CGRRF1: variants seen among roughly 807,000 people sequenced by gnomAD.
CGRRF1 encodes cell growth regulator with ring finger domain 1, also known as cell growth regulator with RING finger domain protein 1.
CGRRF1 carries 32 observed loss-of-function variants against 37.2 expected under a neutral mutation model. That is an observed-to-expected ratio of 0.86 (90% CI 0.65 to 1.16). The LOEUF is 1.16. Among genes scored for constraint, CGRRF1 ranks in the 50% most tolerant of loss-of-function variants. The probability of loss-of-function intolerance (pLI) is 0.00; values close to 1 mark genes in which losing one functional copy is unlikely to be tolerated. For missense variants in CGRRF1, 391 were observed against 382.6 expected (o/e 1.02, Z -0.18); for synonymous variants, 141 against 140.3 (o/e 1.00, Z -0.04).
At chr14:54,510,296 G>A in intron 1 of CGRRF1, 4 of 557,670 alleles carry the variant, frequency 7.2e-6, no homozygotes, top group Non-Finnish European at 1.3e-5. Context: ...TCTTGGGGTG[G>A]TACCGCATTG....
chr14:54,538,002 C>G, intron 5 of CGRRF1, 61 bp from the exon 6 acceptor site: 1 of 1,454,692 alleles, frequency 6.9e-7, no homozygotes, highest in Non-Finnish European at 9.1e-7. Context: ...CTTATGACCC[C>G]CAATTTTAAA....
intron 4 of CGRRF1, 189 bp downstream of exon 4, chr14:54,531,239 T>C: frequency 1.9e-6 from 1 of 531,718 alleles, no homozygotes; most frequent in Non-Finnish European, 3.3e-6. Context: ...TCTTGCCTTA[T>C]GGGTCACAGT....
Position 54,539,084 on chromosome 14 carries a change from G to A in CGRRF1, c.*701G>A, listed in dbSNP as rs1056447271. The A allele has an allele frequency of 6.6e-6, 1 of 152,178 alleles. No homozygotes were observed. The highest frequency in any genetic ancestry group is 1.5e-5 in the Non-Finnish European group (1 of 68,028). The allele number at this position is 152,178 out of a possible 1,614,324, so 9.4% of individuals were successfully genotyped here. On this transcript the variant is annotated 3_prime_UTR_variant, in exon 6 of 6. Transcript: ENST00000216420. The stretch of plus-strand genomic sequence containing the variant: ...ATTTATTAAATTGATAGTCAAGTGT[G>A]ATTAGATTAGCAGAATGTGATCTCC...
At chr14:54,515,399 A>T (rs1486572797) in intron 1 of CGRRF1, among the ~76,000 whole-genome samples, 1 of 151,812 alleles carries the variant, frequency 6.6e-6, no homozygotes, top group South Asian at 2.1e-4. Flanking sequence ...GCCGGGTGAG[A>T]TGTTTTATAA....
At chr14:54,517,894 A>G (rs1251097517) in intron 1 of CGRRF1, among the ~76,000 whole-genome samples, 1 of 152,146 alleles carries the variant, frequency 6.6e-6, no homozygotes, top group Non-Finnish European at 1.5e-5. Flanking sequence ...CTGTTCTTGC[A>G]TTAGTTTGCT....
At chr14:54,510,599 C>T (rs1269480223) in intron 1 of CGRRF1, among the ~76,000 whole-genome samples, 1 of 152,136 alleles carries the variant, frequency 6.6e-6, no homozygotes, top group Admixed American at 6.5e-5. Context: ...ACATTCCACA[C>T]CTTTTGAAGT....
intron 1 of CGRRF1, among the ~76,000 whole-genome samples, chr14:54,513,347 C>T (rs1357509650): frequency 6.6e-6 from 1 of 152,198 alleles, no homozygotes; most frequent in Non-Finnish European, 1.5e-5. Context: ...AAGCGCTTGA[C>T]TGTTAATGGC....
At chr14:54,522,694 C>A in intron 2 of CGRRF1, 101 bp downstream of exon 2, 2 of 1,138,418 alleles carry the variant, frequency 1.8e-6, no homozygotes, top group Non-Finnish European at 2.5e-6. Context: ...AGACTTTTAA[C>A]AAACATTTGT....
chr14:54,535,406 T>G (rs576618693), intron 4 of CGRRF1, among the ~76,000 whole-genome samples: 7 of 139,224 alleles, frequency 5.0e-5, no homozygotes, highest in Non-Finnish European at 1.1e-4. Flanking sequence ...TTTTGTAAAT[T>G]AAAACATTCT....
At chr14:54,515,013 A>G (rs1353141346) in intron 1 of CGRRF1, among the ~76,000 whole-genome samples, 1 of 151,980 alleles carries the variant, frequency 6.6e-6, no homozygotes, top group Non-Finnish European at 1.5e-5. Flanking sequence ...TTATAATCCA[A>G]ATATATTCTC....
chr14:54,532,471 G>C (rs1369379385), intron 4 of CGRRF1, among the ~76,000 whole-genome samples: 1 of 152,038 alleles, frequency 6.6e-6, no homozygotes, highest in Non-Finnish European at 1.5e-5. Context: ...GGGATTTTTG[G>C]TGCTCTTGCC....
rs140952414 is a variant in CGRRF1 at position 54,511,196 on chromosome 14, T to C, written c.104+1133T>C. Among the ~76,000 whole-genome samples the C allele has an allele frequency of 4.0e-3, 603 of 152,306 alleles. 3 individuals are homozygous for C. The highest frequency in any genetic ancestry group is 6.4e-3 in the Non-Finnish European group (435 of 68,020). On this transcript the variant is annotated intron_variant, in intron 1 of 5. Coordinates refer to ENST00000216420, the MANE Select transcript of CGRRF1 (RefSeq NM_006568.3). ...GGGCCCTTGTCGGTTTCTGAAAATA[T>C]ATGCCATCTTTAGGAAGTGACAAAA... is the stretch of plus-strand genomic sequence containing the variant.
At chr14:54,527,473 TA>T (rs2032432464) in intron 2 of CGRRF1, among the ~76,000 whole-genome samples, 1 of 151,984 alleles carries the variant, frequency 6.6e-6, no homozygotes, top group African/African-American at 2.4e-5. Context: ...ATAATAACAT[TA>T]AAAAAAGAGA....
Position 54,526,793 on chromosome 14 carries a change from G to A in CGRRF1, c.245-3256G>A, listed in dbSNP as rs572196387. 9.2e-5 allele frequency among the ~76,000 whole-genome samples: 14 copies of A among 152,284 alleles called. No homozygotes were observed. In the South Asian group the frequency reaches 1.0e-3, roughly 11 times the overall value. On this transcript the variant is annotated intron_variant, in intron 2 of 5. Coordinates refer to ENST00000216420, the MANE Select transcript of CGRRF1 (RefSeq NM_006568.3). The stretch of plus-strand genomic sequence containing the variant: ...CAATGTACATGGCATGTTTGGAGGC[G>A]TTTGTGAACCTCCATTCTCTACAAC...
At chr14:54,521,014 G>T (rs576791117) in intron 1 of CGRRF1, among the ~76,000 whole-genome samples, 2 of 152,264 alleles carry the variant, frequency 1.3e-5, no homozygotes, top group South Asian at 4.1e-4. Flanking sequence ...ATTGAGTAAA[G>T]TAGCTGTTTT....
intron 4 of CGRRF1, among the ~76,000 whole-genome samples, chr14:54,533,010 G>A (rs151032091): frequency 1.3e-5 from 2 of 151,858 alleles, no homozygotes; most frequent in East Asian, 3.9e-4. Context: ...AGCACAAAAG[G>A]ATCAGATCGC....
At position 54,522,529 on chromosome 14, in the gene CGRRF1, A is replaced by T; in HGVS notation, c.180A>T (p.Gln60His). ...TCAGCACAAGAGTTTTCAAAAAGCA[A>T]ATGAGACAAGTCAAGAATCCTTTTG... Reference protein sequence around the residue: ...TQFSTRVFKKQMRQVKNPFGL... With the variant: ...TQFSTRVFKKHMRQVKNPFGL... Residue 60 changes from glutamine (Q) to histidine (H), a missense_variant, in exon 2 of 6, where the codon CAA becomes CAT. Coordinates refer to ENST00000216420, the MANE Select transcript of CGRRF1 (RefSeq NM_006568.3). 6.2e-7 allele frequency: 1 copy of T among 1,608,978 alleles called. No individual in the cohort carries two copies. Among genetic ancestry groups the T allele is most frequent in the Non-Finnish European group, 8.5e-7 (1 of 1,178,230 alleles).
intron 2 of CGRRF1, chr14:54,523,004 G>T (rs1306408345): frequency 6.5e-6 from 1 of 153,466 alleles, no homozygotes; most frequent in African/African-American, 2.4e-5. Flanking sequence ...TTCTTACTCT[G>T]TCATCCAGGC....
In CGRRF1 at chr14:54,538,603, A is replaced by G. The variant is rs1429257800; in HGVS notation, c.*220A>G. 2.8e-6 allele frequency: 1 copy of G among 357,666 alleles called. No individual in the cohort carries two copies. Among genetic ancestry groups the G allele is most frequent in the Non-Finnish European group, 5.0e-6 (1 of 199,510 alleles). The allele number at this position is 357,666 out of a possible 1,614,324, so 22.2% of individuals were successfully genotyped here. A position where few individuals can be genotyped will look rare whatever the true frequency, so the allele number is the denominator to read the frequency against. On this transcript the variant is annotated 3_prime_UTR_variant, in exon 6 of 6. Transcript: ENST00000216420. Reference sequence around the variant, plus strand: ...GTGTTGATACATAAAAATTCATTCAACTCTTGAAAAGAATCTAAGAGTTTG... The same window carrying G: ...GTGTTGATACATAAAAATTCATTCAGCTCTTGAAAAGAATCTAAGAGTTTG...
Sources: gnomAD v4.1 joint callset for allele counts (sites outside exome capture counted in the v4.1 genomes callset) on GRCh38, gnomAD v4.1.1 for gene constraint, MANE v1.5 for transcripts, NCBI Gene and HGNC (gene_info 2026-07-23, HGNC 2026-07-21) for gene names.